Variants in RBBP5 observed in about 807,000 individuals in gnomAD.
RBBP5 encodes the protein RB binding protein 5, histone lysine methyltransferase complex subunit.
Under a neutral mutation model 72.2 loss-of-function variants are expected in RBBP5, and 5 were observed. That is an observed-to-expected ratio of 0.07 (90% confidence interval 0.04 to 0.15). The LOEUF (loss-of-function observed/expected upper bound fraction) is 0.15, where lower values mean the gene tolerates loss of function less well. Among genes scored for constraint, RBBP5 ranks in the 10% least tolerant of loss-of-function variants. The pLI is 1.00. For missense variants in RBBP5, 322 were observed against 652.2 expected, an observed-to-expected ratio of 0.49 and a Z score of 5.51; for synonymous variants, 209 against 237.2, an observed-to-expected ratio of 0.88 and a Z score of 1.09.
Position 205,101,487 on chromosome 1 carries a change from T to A in RBBP5, c.632+113A>T, listed in dbSNP as rs1655819942. 3 of 680,734 alleles carry A rather than the reference T, an allele frequency of 4.4e-6. No homozygotes were observed. In the African/African-American group the frequency reaches 5.6e-5, roughly 13 times the overall value. 42.2% of individuals were successfully genotyped at this position (680,734 alleles called of 1,614,324 possible). A position where few individuals can be genotyped will look rare whatever the true frequency, so the allele number is the denominator to read the frequency against. ...ATTGTAAGTTTCTAAAAACCTTAAG[T>A]ACATTTTTAAAAAATGCTTAAGTAT... On this transcript the variant is annotated intron_variant, in intron 6 of 13. Transcript: ENST00000264515.
At chr1:205,103,458 A>G (rs1036839630) in intron 5 of RBBP5, among the ~76,000 whole-genome samples, 7 of 152,198 alleles carry the variant, frequency 4.6e-5, no homozygotes, top group Non-Finnish European at 1.0e-4. Flanking sequence ...CAAAAGGCAA[A>G]GTCAGAAGTT....
Position 205,100,166 on chromosome 1 carries a change from C to T in RBBP5, c.738G>A (p.Gln246=), listed in dbSNP as rs767803660. The change falls in exon 7 of 14, where the codon CAG becomes CAA. Residue 246 remains glutamine, a synonymous_variant. Coordinates refer to ENST00000264515, the MANE Select transcript of RBBP5 (RefSeq NM_005057.4). The stretch of plus-strand genomic sequence containing the variant: ...GTGATACATACCTATTCACCAAATC[C>T]TGCAATTTCTGCATAGGTTCAGGCT... The part of the protein sequence containing the change: ...DGEPEPMQKL[Q]DLVNRTPWKK... 1 of 1,614,176 alleles carries T rather than the reference C, an allele frequency of 6.2e-7. No individual in the cohort carries two copies. The highest frequency in any genetic ancestry group is 8.5e-7 in the Non-Finnish European group (1 of 1,180,022).
Position 205,095,042 on chromosome 1 carries a change from C to G in RBBP5, c.1419G>C (p.Val473=). 1.2e-6 allele frequency: 2 copies of G among 1,614,120 alleles called. No homozygotes were observed. Among genetic ancestry groups the G allele is most frequent in the South Asian group, 2.2e-5 (2 of 91,072 alleles). Residue 473 remains valine, a synonymous_variant, in exon 13 of 14, where the codon GTG becomes GTC. Transcript: ENST00000264515. The part of the protein sequence containing the change: ...PNDEVHPLLG[V]KGDGKSKKKQ... Reference sequence around the variant, plus strand: ...TCTTCTTGGATTTGCCATCCCCCTTCACACCCAGTAGTGGATGGACTTCTG... The same window carrying G: ...TCTTCTTGGATTTGCCATCCCCCTTGACACCCAGTAGTGGATGGACTTCTG...
intron 10 of RBBP5, 137 bp from the exon 11 acceptor site, chr1:205,097,532 T>A: frequency 1.2e-6 from 1 of 835,078 alleles, no homozygotes; most frequent in Non-Finnish European, 2.0e-6. Flanking sequence ...CTTAATCATT[T>A]AACAAATATG....
Position 205,094,921 on chromosome 1 carries a change from C to T in RBBP5, c.1540G>A (p.Gly514Arg). The change falls in exon 13 of 14, where the codon GGA becomes AGA. Residue 514 changes from glycine to arginine, a missense_variant. By Grantham distance (125) the Gly-to-Arg change is moderately radical. Coordinates refer to ENST00000264515, the MANE Select transcript of RBBP5 (RefSeq NM_005057.4). ...GCCTGCACTTTACCCTTCGCTGATCCTTCCAGAGGTAAACCTCTGTCCCCT... is the reference window on the plus strand; with the variant it reads ...GCCTGCACTTTACCCTTCGCTGATCTTTCCAGAGGTAAACCTCTGTCCCCT... ...YKGDRGLPLE[G>R]SAKGKVQAEL... is the part of the protein sequence containing the mutation. 6.2e-7 allele frequency: 1 copy of T among 1,614,184 alleles called. No individual in the cohort carries two copies. The highest frequency in any genetic ancestry group is 8.5e-7 in the Non-Finnish European group (1 of 1,180,030).
At chr1:205,116,107 C>A (rs1011330297) in intron 1 of RBBP5, 6 of 821,854 alleles carry the variant, frequency 7.3e-6, no homozygotes, top group Non-Finnish European at 1.1e-5. Flanking sequence ...ACTATATGAC[C>A]TGGGATATTG....
chr1:205,105,239 T>G, intron 3 of RBBP5, 71 bp from the exon 4 acceptor site: 1 of 1,523,744 alleles, frequency 6.6e-7, no homozygotes, highest in Non-Finnish European at 8.9e-7. Flanking sequence ...ATAAACTGTG[T>G]AAGTCACACA....
intron 3 of RBBP5, among the ~76,000 whole-genome samples, chr1:205,107,143 T>C (rs760499786): frequency 6.6e-6 from 1 of 151,882 alleles, no homozygotes; most frequent in African/African-American, 2.4e-5. Flanking sequence ...CCTGTAGAAC[T>C]ATAACAAAAG....
At chr1:205,100,305 T>A in intron 6 of RBBP5, 34 bp from the exon 7 acceptor site, 3 of 1,609,232 alleles carry the variant, frequency 1.9e-6, no homozygotes, top group Non-Finnish European at 2.5e-6. Context: ...ACACCAGAGG[T>A]CAGAAATCTG....
chr1:205,120,998 C>T (rs983356743), intron 1 of RBBP5, among the ~76,000 whole-genome samples: 1 of 152,194 alleles, frequency 6.6e-6, no homozygotes, highest in Non-Finnish European at 1.5e-5. Context: ...ATGAAAAGCT[C>T]TTTAAGGGCA....
intron 1 of RBBP5, among the ~76,000 whole-genome samples, chr1:205,117,049 T>TTTTTGTTTG (rs1328370275): frequency 1.3e-5 from 2 of 152,086 alleles, no homozygotes; most frequent in African/African-American, 4.8e-5. Context: ...GGCCTGGTTT[T>TTTTTGTTTG]TTTTGTTTGT....
chr1:205,105,468 TAA>T (rs1168608398), intron 3 of RBBP5, among the ~76,000 whole-genome samples: 2 of 152,254 alleles, frequency 1.3e-5, no homozygotes, highest in Non-Finnish European at 2.9e-5. Context: ...AGCTGCGCTT[TAA>T]GAGTTGATAT....
chr1:205,104,367 A>G (rs1011076093), intron 4 of RBBP5, among the ~76,000 whole-genome samples: 1 of 151,696 alleles, frequency 6.6e-6, no homozygotes, highest in Non-Finnish European at 1.5e-5. Flanking sequence ...TACTAAAAAT[A>G]CAAAAACTTA....
chr1:205,096,230 G>C (rs1655613014), intron 12 of RBBP5, among the ~76,000 whole-genome samples: 2 of 151,898 alleles, frequency 1.3e-5, no homozygotes. Flanking sequence ...AAAAATAAAA[G>C]AGAAGAGGAA....
At position 205,093,482 on chromosome 1, in the gene RBBP5, ATATATATATATATATATATATAT is replaced by A. The variant is rs1215603744; in HGVS notation, c.1588+1368_1588+1390del. ...TCAAAAAAAAAAAAAAAAAAAAAAT[ATATATATATATATATATATATAT>A]ATATATATATATATATATATATATA... On this transcript the variant is annotated intron_variant, in intron 13 of 13. Transcript: ENST00000264515. Among the ~76,000 whole-genome samples, 48 of 5,840 alleles carry A rather than the reference ATATATATATATATATATATATAT, an allele frequency of 8.2e-3. 2 individuals are homozygous for A. The highest frequency in any genetic ancestry group is 0.048 in the South Asian group (2 of 42). The allele number at this position is 5,840 out of a possible 152,430, so 3.8% of individuals were successfully genotyped here. A position where few individuals can be genotyped will look rare whatever the true frequency, so the allele number is the denominator to read the frequency against.
Position 205,088,129 on chromosome 1 carries a change from T to C in RBBP5, c.*658A>G, listed in dbSNP as rs2151210319. 2 of 152,270 alleles carry C rather than the reference T, an allele frequency of 1.3e-5. 1 individual carries two copies. The highest frequency in any genetic ancestry group is 6.8e-3 in the Middle Eastern group (2 of 294). 9.4% of individuals were successfully genotyped at this position (152,270 alleles called of 1,614,324 possible). ...ACCAATATTGGAGGGAAACATGCAA[T>C]GAGAGGAAAACAAGGGAAAACCCTG... On this transcript the variant is annotated 3_prime_UTR_variant, in exon 14 of 14. Transcript: ENST00000264515.
rs1198273405 is a variant in RBBP5, at chr1:205,096,872, T to C, written c.1206A>G (p.Leu402=). The change falls in exon 12 of 14, where the codon TTA becomes TTG. Residue 402 remains leucine (L), a synonymous_variant. Transcript: ENST00000264515. ...ELEDSKALLY[L]PIAPEVEDPE... ...GGTCTTCTACCTCAGGGGCAATGGGTAAATACAATAGAGCCTTTGAATCTT... is the reference window on the plus strand; with the variant it reads ...GGTCTTCTACCTCAGGGGCAATGGGCAAATACAATAGAGCCTTTGAATCTT... 1.2e-6 allele frequency: 2 copies of C among 1,612,960 alleles called. No homozygotes were observed. The highest frequency in any genetic ancestry group is 4.5e-5 in the East Asian group (2 of 44,886).
intron 10 of RBBP5, among the ~76,000 whole-genome samples, chr1:205,098,239 T>C (rs573375170): frequency 5.3e-5 from 8 of 152,320 alleles, no homozygotes; most frequent in Middle Eastern, 3.4e-3. Context: ...GAAATTCAGT[T>C]TAAGCAGTAT....
chr1:205,116,247 ATAAC>A (rs1656515126), intron 1 of RBBP5: 1 of 384,332 alleles, frequency 2.6e-6, no homozygotes, highest in Admixed American at 3.8e-5. Flanking sequence ...TGAAAACAAA[ATAAC>A]TACTCACATA....
Sources: gnomAD v4.1 joint callset for allele counts (sites outside exome capture counted in the v4.1 genomes callset) on GRCh38, gnomAD v4.1.1 for gene constraint, MANE v1.5 for transcripts, NCBI Gene and HGNC (gene_info 2026-07-23, HGNC 2026-07-21) for gene names.